Variants in RGS3 observed in about 807,000 individuals in gnomAD.
The protein encoded by RGS3 is regulator of G-protein signalling 3.
A neutral mutation model predicts 132.6 loss-of-function variants in RGS3; 80 were observed. The observed-to-expected ratio is 0.60, with a 90% confidence interval of 0.50 to 0.73. The LOEUF is 0.73. Among genes scored for constraint, RGS3 ranks in the 30% least tolerant of loss-of-function variants. RGS3 has a pLI of 0.00. For synonymous variants in RGS3, 598 were observed against 620.6 expected, an observed-to-expected ratio of 0.96 and a Z score of 0.54; for missense variants, 1,382 against 1,530.8, an observed-to-expected ratio of 0.90 and a Z score of 1.62.
At chr9:113,563,530 TCCATCAGAATTGG>T (rs920258902) in intron 19 of RGS3, among the ~76,000 whole-genome samples, 2 of 152,158 alleles carry the variant, frequency 1.3e-5, no homozygotes, top group African/African-American at 4.8e-5. Context: ...ATTGTTTAGC[TCCATCAGAATTGG>T]CCATCTCTTG....
intron 3 of RGS3, among the ~76,000 whole-genome samples, chr9:113,469,494 T>G (rs2119181551): frequency 6.6e-6 from 1 of 152,196 alleles, no homozygotes; most frequent in East Asian, 1.9e-4. Context: ...TCTTTTCCCA[T>G]TCTGCTTTGT....
chr9:113,534,289 T>C (rs1259781558), intron 18 of RGS3, among the ~76,000 whole-genome samples: 3 of 152,216 alleles, frequency 2.0e-5, no homozygotes, highest in Non-Finnish European at 4.4e-5. Context: ...AAGAGGCCTT[T>C]TCTGATCACC....
At chr9:113,483,001 C>T (rs1194610823) in intron 4 of RGS3, 58 bp from the exon 3 acceptor site, 22 of 1,609,344 alleles carry the variant, frequency 1.4e-5, no homozygotes, top group East Asian at 1.1e-4. Context: ...CTCTCTTTCT[C>T]GCTGTGTGTG....
intron 17 of RGS3, among the ~76,000 whole-genome samples, chr9:113,526,592 C>T (rs1014654230): frequency 6.6e-6 from 1 of 152,186 alleles, no homozygotes; most frequent in Non-Finnish European, 1.5e-5. Flanking sequence ...AATACCCCTT[C>T]TGCTTGCCTC....
At position 113,505,358 on chromosome 9, in the gene RGS3, G is replaced by A. The variant is rs1831082122; in HGVS notation, c.898-84G>A. The A allele has an allele frequency of 2.5e-6, 3 of 1,212,584 alleles. No homozygotes were observed. In the Admixed American group the frequency reaches 5.4e-5, roughly 22 times the overall value. 75.1% of individuals were successfully genotyped at this position (1,212,584 alleles called of 1,614,324 possible). A position where few individuals can be genotyped will look rare whatever the true frequency, so the allele number is the denominator to read the frequency against. On this transcript the variant is annotated intron_variant, in intron 10 of 24. Transcript: ENST00000350696. Reference sequence around the variant, plus strand: ...TTGGAGAGGAGGGTGGCTCTTGGCAGGGGTGGGCTGTGGGCTTCCTGACCT... The same window carrying A: ...TTGGAGAGGAGGGTGGCTCTTGGCAAGGGTGGGCTGTGGGCTTCCTGACCT...
At chr9:113,587,817 C>G (rs112319589) in intron 20 of RGS3, among the ~76,000 whole-genome samples, 1 of 152,210 alleles carries the variant, frequency 6.6e-6, no homozygotes, top group African/African-American at 2.4e-5. Context: ...CCCCTGCCCC[C>G]ACTCCCCGCC....
chr9:113,493,193 C>T lies in RGS3; in HGVS notation c.690-2593C>T, dbSNP rs141501733. Among the ~76,000 whole-genome samples, 8 of 152,348 alleles carry T rather than the reference C, an allele frequency of 5.3e-5. No individual in the cohort carries two copies. In the East Asian group the frequency reaches 1.2e-3, roughly 22 times the overall value. On this transcript the variant is annotated intron_variant, in intron 7 of 24. Transcript: ENST00000350696. ...TAGTTTTGGCTGTTTATGATAGTCACTGCAACTGCCTCCTATTAGTGCTGA... is the reference window on the plus strand; with the variant it reads ...TAGTTTTGGCTGTTTATGATAGTCATTGCAACTGCCTCCTATTAGTGCTGA...
intron 3 of RGS3, among the ~76,000 whole-genome samples, chr9:113,475,362 G>GA (rs1163710829): frequency 2.6e-5 from 4 of 151,992 alleles, no homozygotes; most frequent in Non-Finnish European, 4.4e-5. Flanking sequence ...GGGGAGTGTT[G>GA]AAAAAAACAG....
chr9:113,459,314 T>C (rs1829420498), upstream of RGS3, among the ~76,000 whole-genome samples: 1 of 152,226 alleles, frequency 6.6e-6, no homozygotes, highest in African/African-American at 2.4e-5. Context: ...TTGGTTTCCT[T>C]TTCTATTTTA....
At chr9:113,492,825 T>C (rs955672674) in intron 7 of RGS3, among the ~76,000 whole-genome samples, 2 of 152,218 alleles carry the variant, frequency 1.3e-5, no homozygotes, top group African/African-American at 4.8e-5. Flanking sequence ...CTTATGGACA[T>C]TAATTGTGGC....
At chr9:113,577,542 G>A (rs929244023) in intron 19 of RGS3, among the ~76,000 whole-genome samples, 2 of 152,102 alleles carry the variant, frequency 1.3e-5, no homozygotes, top group Admixed American at 6.5e-5. Context: ...ATGGACTTGC[G>A]GGGAGATCAC....
At position 113,505,313 on chromosome 9, in the gene RGS3, C is replaced by T. The variant is rs553438519; in HGVS notation, c.898-129C>T. ...AGGGACACTGAGGGGCTGGCTAGCT[C>T]CTTTGTGCCTCCAGTTCCCTTGGAG... is the stretch of plus-strand genomic sequence containing the variant. On this transcript the variant is annotated intron_variant, in intron 10 of 24. Coordinates refer to ENST00000350696, the Ensembl canonical transcript of RGS3. 4.9e-4 allele frequency: 370 copies of T among 748,122 alleles called. 2 individuals carry two copies. The highest frequency in any genetic ancestry group is 1.7e-3 in the Middle Eastern group (5 of 2,922). 46.3% of individuals were successfully genotyped at this position (748,122 alleles called of 1,614,324 possible).
At chr9:113,590,507 T>G (rs1835364579) in intron 20 of RGS3, among the ~76,000 whole-genome samples, 1 of 148,292 alleles carries the variant, frequency 6.7e-6, no homozygotes, top group Non-Finnish European at 1.5e-5. Flanking sequence ...CACCCATATA[T>G]TCATCCATCC....
At chr9:113,501,690 C>A in intron 10 of RGS3, 2 of 1,482,626 alleles carry the variant, frequency 1.3e-6, no homozygotes, top group Non-Finnish European at 1.8e-6. Flanking sequence ...GGTAGAGGGA[C>A]CATCTGAGAA....
exon 20 of RGS3, chr9:113,584,091 AGGG>A: frequency 6.2e-7 from 1 of 1,613,974 alleles, no homozygotes; most frequent in Non-Finnish European, 8.5e-7. Context: ...AGGGGGAGGA[AGGG>A]GAGGAGGACG....
At chr9:113,465,439 C>CTGTGTGTGTG (rs3221187) in intron 3 of RGS3, among the ~76,000 whole-genome samples, 1,495 of 135,374 alleles carry the variant, frequency 0.011, 22 homozygotes, top group East Asian at 0.051. Flanking sequence ...ACACCTATTT[C>CTGTGTGTGTG]TGTGTGTGTG....
chr9:113,481,892 C>T (rs1286987942), intron 4 of RGS3, among the ~76,000 whole-genome samples: 1 of 151,986 alleles, frequency 6.6e-6, no homozygotes, highest in African/African-American at 2.4e-5. Context: ...ACGAAAAATA[C>T]AAAATTAGCC....
At chr9:113,543,810 G>C (rs1290197812) in intron 19 of RGS3, among the ~76,000 whole-genome samples, 1 of 152,210 alleles carries the variant, frequency 6.6e-6, no homozygotes, top group Non-Finnish European at 1.5e-5. Flanking sequence ...AAGCTGCTGA[G>C]TCGAGCAGAT....
intron 19 of RGS3, among the ~76,000 whole-genome samples, chr9:113,567,552 G>A (rs1314667927): frequency 1.3e-5 from 2 of 152,238 alleles, no homozygotes; most frequent in East Asian, 3.8e-4. Context: ...AGCCCCTTTA[G>A]GAGAGGCCTA....
Sources: allele counts gnomAD v4.1 joint callset (sites outside exome capture counted in the v4.1 genomes callset), GRCh38; gene constraint gnomAD v4.1.1; transcripts MANE v1.5; gene names NCBI Gene and HGNC (gene_info 2026-07-23, HGNC 2026-07-21).